PMFBP1: variants seen among roughly 807,000 people sequenced by gnomAD.
PMFBP1 encodes polyamine-modulated factor 1-binding protein 1.
A neutral mutation model predicts 137.8 loss-of-function variants in PMFBP1; 131 were observed. The observed-to-expected ratio is 0.95, with a 90% CI of 0.82 to 1.10. The LOEUF (loss-of-function observed/expected upper bound fraction) is 1.10, where lower values mean the gene tolerates loss of function less well. Among genes scored for constraint, PMFBP1 ranks in the 50% least tolerant of loss-of-function variants. The pLI, the probability that PMFBP1 is intolerant of heterozygous loss-of-function variation, is 0.00. For synonymous variants in PMFBP1, 490 were observed against 450.4 expected (o/e 1.09, Z -1.11); for missense variants, 1,199 against 1,175.4 (o/e 1.02, Z -0.29).
downstream of PMFBP1, among the ~76,000 whole-genome samples, chr16:72,117,036 A>G (rs1006055438): frequency 6.8e-6 from 1 of 147,016 alleles, no homozygotes; most frequent in Non-Finnish European, 1.5e-5. Flanking sequence ...TATTTCTGCA[A>G]AAAAAAAAAA....
chr16:72,134,962 T>C (rs2042601753), intron 9 of PMFBP1, among the ~76,000 whole-genome samples: 2 of 152,220 alleles, frequency 1.3e-5, no homozygotes, highest in Admixed American at 1.3e-4. Flanking sequence ...TTGCAGGTTT[T>C]GTGATATTCT....
downstream of PMFBP1, among the ~76,000 whole-genome samples, chr16:72,116,786 G>A (rs934929903): frequency 3.9e-5 from 6 of 152,026 alleles, no homozygotes; most frequent in African/African-American, 9.7e-5. Flanking sequence ...TCTTGGCATC[G>A]TTGTCAAAAT....
chr16:72,186,425 T>C, the PMFBP1 span, among the ~76,000 whole-genome samples: 2,820 of 152,128 alleles, frequency 0.019, 36 homozygotes, highest in Non-Finnish European at 0.025. Context: ...TATTCTAAGA[T>C]GTTGAGGAGA....
intron 3 of PMFBP1, among the ~76,000 whole-genome samples, chr16:72,162,611 C>A (rs562225679): frequency 3.9e-5 from 6 of 152,200 alleles, no homozygotes; most frequent in Non-Finnish European, 8.8e-5. Context: ...TGTAAGTCTA[C>A]ATCTAATTGT....
chr16:72,160,061 C>A (rs2043039201), intron 3 of PMFBP1, among the ~76,000 whole-genome samples: 1 of 152,156 alleles, frequency 6.6e-6, no homozygotes, highest in Non-Finnish European at 1.5e-5. Flanking sequence ...GGAACCTGTT[C>A]CCATATTTAG....
chr16:72,201,156 T>A, the PMFBP1 span, among the ~76,000 whole-genome samples: 1 of 151,972 alleles, frequency 6.6e-6, no homozygotes, highest in Non-Finnish European at 1.5e-5. Context: ...TCTTCCCCCC[T>A]CCCCCAGCAA....
chr16:72,204,521 C>G, the PMFBP1 span, among the ~76,000 whole-genome samples: 1 of 152,104 alleles, frequency 6.6e-6, no homozygotes, highest in East Asian at 1.9e-4. Context: ...CATTTATCCC[C>G]TGAACCAAAT....
intron 20 of PMFBP1, 64 bp downstream of exon 20, chr16:72,119,787 A>G: frequency 6.3e-7 from 1 of 1,577,354 alleles, no homozygotes; most frequent in East Asian, 2.2e-5. Context: ...TCCTACTTGA[A>G]TTCTCAATCC....
At chr16:72,183,102 C>G in the PMFBP1 span, among the ~76,000 whole-genome samples, 1 of 152,208 alleles carries the variant, frequency 6.6e-6, no homozygotes, top group Non-Finnish European at 1.5e-5. Flanking sequence ...CCTACCCTTA[C>G]TATACCTGGG....
chr16:72,235,372 T>C, the PMFBP1 span, among the ~76,000 whole-genome samples: 1 of 152,134 alleles, frequency 6.6e-6, no homozygotes, highest in Non-Finnish European at 1.5e-5. Context: ...TTCATTTATC[T>C]ACTATTTTCT....
At chr16:72,238,617 A>G in the PMFBP1 span, among the ~76,000 whole-genome samples, 2 of 152,172 alleles carry the variant, frequency 1.3e-5, no homozygotes, top group South Asian at 4.1e-4. Flanking sequence ...TTGAGCTTTC[A>G]GACTTCTGTG....
intron 1 of PMFBP1, chr16:72,171,474 T>C (rs139067320): frequency 8.2e-5 from 39 of 475,116 alleles, no homozygotes; most frequent in African/African-American, 6.7e-4. Context: ...TTACATCTTT[T>C]CCAGAAAACC....
intron 3 of PMFBP1, chr16:72,164,525 T>C: frequency 1.4e-6 from 2 of 1,399,682 alleles, no homozygotes; most frequent in Non-Finnish European, 9.7e-7. Flanking sequence ...AAGGAAAACA[T>C]CGTGCCTAGG....
Position 72,130,233 on chromosome 16 carries a change from G to A in PMFBP1, c.1762C>T (p.Leu588Phe). 1.9e-6 allele frequency: 3 copies of A among 1,613,694 alleles called. No homozygotes were observed. The highest frequency in any genetic ancestry group is 2.5e-6 in the Non-Finnish European group (3 of 1,180,028). ...AEQDMKMNDM[L>F]DRIKHQHREQ... ...CATACCTGGTGCTTGATACGATCAAGCATGTCATTCATTTTCATATCCTGC... is the reference window on the plus strand; with the variant it reads ...CATACCTGGTGCTTGATACGATCAAACATGTCATTCATTTTCATATCCTGC... The change falls in exon 12 of 21, where the codon CTT (leucine) becomes TTT (phenylalanine). Residue 588 changes from leucine to phenylalanine, a missense_variant. Physicochemically the swap from Leu to Phe is conservative, Grantham distance 22 (BLOSUM62 0). Transcript: ENST00000237353.
chr16:72,218,995 TTAAG>T, the PMFBP1 span, among the ~76,000 whole-genome samples: 14 of 152,204 alleles, frequency 9.2e-5, no homozygotes, highest in Admixed American at 3.3e-4. Flanking sequence ...AAAAAATTAA[TTAAG>T]TAATTATTTT....
chr16:72,229,440 C>T, the PMFBP1 span, among the ~76,000 whole-genome samples: 1 of 152,188 alleles, frequency 6.6e-6, no homozygotes, highest in Admixed American at 6.6e-5. Flanking sequence ...AACTGCTTTC[C>T]ACAAGGGCTG....
intron 3 of PMFBP1, among the ~76,000 whole-genome samples, chr16:72,158,854 G>A (rs2043020842): frequency 6.6e-6 from 1 of 152,088 alleles, no homozygotes; most frequent in Non-Finnish European, 1.5e-5. Flanking sequence ...AATTAGCCAT[G>A]CATGTTGGCA....
intron 5 of PMFBP1, among the ~76,000 whole-genome samples, chr16:72,141,434 C>T (rs894905984): frequency 6.6e-6 from 1 of 152,040 alleles, no homozygotes; most frequent in Non-Finnish European, 1.5e-5. Context: ...TTTCTTTGAC[C>T]GTCACTTCTA....
At chr16:72,212,483 G>GA in the PMFBP1 span, among the ~76,000 whole-genome samples, 1,135 of 132,676 alleles carry the variant, frequency 8.6e-3, 6 homozygotes, top group Admixed American at 0.015. Flanking sequence ...GGTTGTATTG[G>GA]AAAAAAAAAA....
Sources: allele counts gnomAD v4.1 joint callset (sites outside exome capture counted in the v4.1 genomes callset), GRCh38; gene constraint gnomAD v4.1.1; transcripts MANE v1.5; gene names NCBI Gene and HGNC (gene_info 2026-07-23, HGNC 2026-07-21).